The following RBFOX1 variants were observed in gnomAD, a reference collection of about 807,000 sequenced individuals.
RBFOX1 encodes RNA binding protein fox-1 homolog 1.
Under a neutral mutation model 57.7 loss-of-function variants are expected in RBFOX1, and 8 were observed. The ratio of observed to expected loss-of-function variants is 0.14; its 90% confidence interval spans 0.08 to 0.25. The LOEUF (loss-of-function observed/expected upper bound fraction) is 0.25, where lower values mean the gene tolerates loss of function less well. Ranked by LOEUF, RBFOX1 falls within the 10% of genes least tolerant of loss-of-function variation. The probability of loss-of-function intolerance (pLI) is 1.00; values close to 1 mark genes in which losing one functional copy is unlikely to be tolerated. For missense variants in RBFOX1, 611 were observed against 548.5 expected (o/e 1.11, Z -1.14); for synonymous variants, 326 against 222.4 (o/e 1.47, Z -4.15).
chr16:6,045,565 G>A (rs974496795), intron 1 of RBFOX1, among the ~76,000 whole-genome samples: 4 of 152,126 alleles, frequency 2.6e-5, no homozygotes, highest in African/African-American at 9.7e-5. Context: ...TTGAATACCT[G>A]TCAGACACCA....
intron 4 of RBFOX1, chr16:7,333,015 A>G: frequency 1.2e-6 from 2 of 1,613,702 alleles, no homozygotes; most frequent in Non-Finnish European, 1.7e-6. Flanking sequence ...CTGGCGTCTC[A>G]AGGAGTTCTC....
intron 4 of RBFOX1, among the ~76,000 whole-genome samples, chr16:7,458,883 G>C (rs532935385): frequency 6.6e-6 from 1 of 152,266 alleles, no homozygotes; most frequent in African/African-American, 2.4e-5. Context: ...ATTTGTGTCT[G>C]TCTTTCTGCA....
intron 4 of RBFOX1, among the ~76,000 whole-genome samples, chr16:7,353,769 C>G (rs1175608022): frequency 6.6e-6 from 1 of 152,054 alleles, no homozygotes; most frequent in Non-Finnish European, 1.5e-5. Flanking sequence ...CCTATAGTAG[C>G]TTAAAGTAGA....
intron 1 of RBFOX1, among the ~76,000 whole-genome samples, chr16:6,138,827 G>A (rs1479392337): frequency 6.6e-6 from 1 of 152,070 alleles, no homozygotes; most frequent in Non-Finnish European, 1.5e-5. Flanking sequence ...AGATTGCGCC[G>A]CTGCACTCCA....
At chr16:6,941,096 G>A (rs1246765031) in intron 3 of RBFOX1, among the ~76,000 whole-genome samples, 2 of 151,988 alleles carry the variant, frequency 1.3e-5, no homozygotes, top group African/African-American at 4.8e-5. Context: ...AGTTAAACAG[G>A]AAAGAGTCTT....
At chr16:6,153,664 T>G (rs535676282) in intron 1 of RBFOX1, among the ~76,000 whole-genome samples, 3 of 152,116 alleles carry the variant, frequency 2.0e-5, no homozygotes, top group Non-Finnish European at 4.4e-5. Context: ...GCCTTCCTAG[T>G]AGCTGGGATT....
At chr16:6,559,831 T>C (rs2097156316) in intron 2 of RBFOX1, among the ~76,000 whole-genome samples, 1 of 152,158 alleles carries the variant, frequency 6.6e-6, no homozygotes, top group Non-Finnish European at 1.5e-5. Flanking sequence ...ACTGAAGTTG[T>C]TCCCTGAAGC....
intron 3 of RBFOX1, among the ~76,000 whole-genome samples, chr16:5,794,469 C>G (rs1347858376): frequency 6.6e-6 from 1 of 151,570 alleles, no homozygotes. Flanking sequence ...GTCTGTGATA[C>G]CAGAGGCACA....
rs374538322 is a variant in RBFOX1 at position 6,706,060 on chromosome 16, A to C, written c.-16+51410A>C. 4.6e-5 allele frequency among the ~76,000 whole-genome samples: 7 copies of C among 152,172 alleles called. No individual in the cohort carries two copies. In the East Asian group the frequency reaches 9.6e-4, roughly 21 times the overall value. ...AGATAGATATAGGTTAGATGGACAG[A>C]ATTGTGGACCACCTTTCACGCCTAT... On this transcript the variant is annotated intron_variant, in intron 3 of 15. Coordinates refer to ENST00000550418, the MANE Select transcript of RBFOX1 (RefSeq NM_018723.4).
At chr16:6,752,705 C>T (rs1404169014) in intron 3 of RBFOX1, among the ~76,000 whole-genome samples, 2 of 152,154 alleles carry the variant, frequency 1.3e-5, no homozygotes, top group Non-Finnish European at 2.9e-5. Flanking sequence ...TTTCATGCAA[C>T]AGGTGCACCT....
chr16:5,821,853 G>A (rs372213916), intron 3 of RBFOX1, among the ~76,000 whole-genome samples: 2 of 152,188 alleles, frequency 1.3e-5, no homozygotes, highest in African/African-American at 4.8e-5. Context: ...AGGGCAAAAA[G>A]GGCCCAGCCA....
intron 4 of RBFOX1, among the ~76,000 whole-genome samples, chr16:7,201,789 C>T (rs1168235303): frequency 1.3e-5 from 2 of 152,108 alleles, no homozygotes; most frequent in Non-Finnish European, 2.9e-5. Flanking sequence ...ACAAAGCTTA[C>T]CCAGGCTGGT....
chr16:6,491,033 C>T (rs931733559), intron 2 of RBFOX1, among the ~76,000 whole-genome samples: 1 of 151,846 alleles, frequency 6.6e-6, no homozygotes, highest in African/African-American at 2.4e-5. Flanking sequence ...CCCACATAAC[C>T]AAGACTACCC....
chr16:6,044,328 C>A (rs1455933955), intron 1 of RBFOX1, among the ~76,000 whole-genome samples: 1 of 152,074 alleles, frequency 6.6e-6, no homozygotes, highest in Non-Finnish European at 1.5e-5. Context: ...AAGCTTTGTG[C>A]GTTCTTAACC....
intron 4 of RBFOX1, among the ~76,000 whole-genome samples, chr16:7,323,293 A>T (rs1281504133): frequency 6.6e-6 from 1 of 152,136 alleles, no homozygotes; most frequent in Non-Finnish European, 1.5e-5. Flanking sequence ...ACGTGCTGGT[A>T]TGCACCTGTA....
intron 2 of RBFOX1, among the ~76,000 whole-genome samples, chr16:6,623,513 A>G (rs561018383): frequency 6.6e-6 from 1 of 151,670 alleles, no homozygotes; most frequent in East Asian, 1.9e-4. Flanking sequence ...TTACATATGC[A>G]TACGTTTGCC....
chr16:7,596,298 G>A (rs748461442), intron 8 of RBFOX1, among the ~76,000 whole-genome samples: 36 of 151,450 alleles, frequency 2.4e-4, no homozygotes, highest in Non-Finnish European at 3.7e-4. Flanking sequence ...CCAAAATACT[G>A]ACATTCAGAG....
chr16:6,788,939 C>T (rs552299065), intron 3 of RBFOX1, among the ~76,000 whole-genome samples: 1 of 152,146 alleles, frequency 6.6e-6, no homozygotes, highest in South Asian at 2.1e-4. Flanking sequence ...CCGAGTTCCT[C>T]CTAGCATTCT....
At chr16:5,968,146 C>T (rs999778091) in intron 4 of RBFOX1, among the ~76,000 whole-genome samples, 1 of 152,142 alleles carries the variant, frequency 6.6e-6, no homozygotes, top group African/African-American at 2.4e-5. Flanking sequence ...GCAATCTTGG[C>T]TCACTGCAAC....
Sources: allele counts gnomAD v4.1 joint callset (sites outside exome capture counted in the v4.1 genomes callset), GRCh38; gene constraint gnomAD v4.1.1; transcripts MANE v1.5; gene names NCBI Gene and HGNC (gene_info 2026-07-23, HGNC 2026-07-21).